The following MCCC1 variants were observed in gnomAD, a reference collection of about 807,000 sequenced individuals.
The protein encoded by MCCC1 is methylcrotonyl-CoA carboxylase subunit 1.
MCCC1 carries 64 observed loss-of-function variants against 83.8 expected under a neutral mutation model. That is an observed-to-expected ratio of 0.76 (90% confidence interval 0.62 to 0.94). The LOEUF (loss-of-function observed/expected upper bound fraction) is 0.94. Ranked by LOEUF, MCCC1 falls within the 40% of genes least tolerant of loss-of-function variation. The pLI is 0.00. For missense variants in MCCC1, 807 were observed against 904.7 expected, an observed-to-expected ratio of 0.89 and a Z score of 1.39; for synonymous variants, 322 against 315.4, an observed-to-expected ratio of 1.02 and a Z score of -0.22.
At chr3:183,031,364 G>A (rs541200423) in intron 14 of MCCC1, among the ~76,000 whole-genome samples, 3 of 152,114 alleles carry the variant, frequency 2.0e-5, no homozygotes, top group South Asian at 2.1e-4. Flanking sequence ...GCAGGGTTCT[G>A]TGAAACGTGG....
intron 13 of MCCC1, among the ~76,000 whole-genome samples, chr3:183,036,414 G>T (rs1713595190): frequency 6.6e-6 from 1 of 152,126 alleles, no homozygotes; most frequent in African/African-American, 2.4e-5. Flanking sequence ...GACAAAGGGA[G>T]TTGCTGCAGG....
chr3:183,102,504 TTAAAAGAGAAAAAC>T (rs1180377340), upstream of MCCC1, among the ~76,000 whole-genome samples: 2 of 152,122 alleles, frequency 1.3e-5, no homozygotes, highest in Admixed American at 1.3e-4. Context: ...TATTAAGAGT[TTAAAAGAGAAAAAC>T]TTATATTCAC....
At chr3:183,101,539 T>A (rs1719302773), upstream of MCCC1, among the ~76,000 whole-genome samples, 1 of 150,546 alleles carries the variant, frequency 6.6e-6, no homozygotes, top group South Asian at 2.1e-4. Flanking sequence ...CTAACTAATC[T>A]GATGGGGACG....
Position 183,015,314 on chromosome 3 carries a change from C to T in MCCC1, c.*124G>A, listed in dbSNP as rs1711531588. 1 of 962,432 alleles carries T rather than the reference C, an allele frequency of 1.0e-6. No individual in the cohort carries two copies. Among genetic ancestry groups the T allele is most frequent in the African/African-American group, 1.6e-5 (1 of 62,392 alleles). The allele number at this position is 962,432 out of a possible 1,614,324, so 59.6% of individuals were successfully genotyped here. ...ATGATTCTCCAATATGAAAGGTGTT[C>T]AGCATAAGCATACAATCATTTAGTA... On this transcript the variant is annotated 3_prime_UTR_variant, in exon 19 of 19. Transcript: ENST00000265594.
intron 16 of MCCC1, among the ~76,000 whole-genome samples, chr3:183,020,491 G>C (rs1027802078): frequency 6.6e-6 from 1 of 152,082 alleles, no homozygotes; most frequent in African/African-American, 2.4e-5. Context: ...AATCAGCCCA[G>C]TGTAGTGGTA....
At chr3:183,076,853 C>G (rs1258898870) in intron 4 of MCCC1, among the ~76,000 whole-genome samples, 1 of 152,164 alleles carries the variant, frequency 6.6e-6, no homozygotes, top group Non-Finnish European at 1.5e-5. Flanking sequence ...GTTTTTAACA[C>G]TGCAAAAAGA....
At position 183,099,485 on chromosome 3, in the gene MCCC1, G is replaced by A; in HGVS notation, c.-45C>T. On this transcript the variant is annotated 5_prime_UTR_variant, in exon 1 of 19. Transcript: ENST00000265594. ...TCCGTGACTCCCCAGTACAGAGGCA[G>A]CTGCGTCCCACACGCCAAACCCGTT... 3.2e-6 allele frequency: 5 copies of A among 1,567,054 alleles called. No homozygotes were observed. In the South Asian group the frequency reaches 5.8e-5, roughly 18 times the overall value.
At chr3:183,097,225 C>T (rs998233239) in intron 1 of MCCC1, among the ~76,000 whole-genome samples, 3 of 151,582 alleles carry the variant, frequency 2.0e-5, no homozygotes, top group Admixed American at 6.6e-5. Context: ...CCGGCCTGGG[C>T]GACAGAGCGA....
At chr3:183,057,155 C>A (rs894669377) in intron 8 of MCCC1, among the ~76,000 whole-genome samples, 156 bp downstream of exon 8, 1 of 152,202 alleles carries the variant, frequency 6.6e-6, no homozygotes, top group Non-Finnish European at 1.5e-5. Flanking sequence ...ATCCCCAATA[C>A]CACAGGAGGT....
At chr3:183,101,928 T>A (rs923084593), upstream of MCCC1, among the ~76,000 whole-genome samples, 2 of 151,814 alleles carry the variant, frequency 1.3e-5, no homozygotes, top group African/African-American at 4.8e-5. Context: ...GGTCTGCAGC[T>A]TCACTCCTGA....
At chr3:183,110,464 G>T (rs959725473) in intron 1 of MCCC1, among the ~76,000 whole-genome samples, 1 of 150,006 alleles carries the variant, frequency 6.7e-6, no homozygotes, top group Non-Finnish European at 1.5e-5. Flanking sequence ...CGCGATCTCA[G>T]CTCACTGTGA....
intron 2 of MCCC1, among the ~76,000 whole-genome samples, chr3:183,092,872 C>G (rs1013866464): frequency 4.6e-5 from 7 of 152,010 alleles, no homozygotes; most frequent in Non-Finnish European, 8.8e-5. Context: ...AATAACTACT[C>G]TTTTATGTAT....
intron 1 of MCCC1, among the ~76,000 whole-genome samples, chr3:183,107,536 T>TTA (rs1719426742): frequency 6.1e-5 from 9 of 147,160 alleles, no homozygotes; most frequent in Admixed American, 6.1e-4. Flanking sequence ...TATTATTATT[T>TTA]GTTGTTGTTG....
In MCCC1 at chr3:183,062,991, A is replaced by AT. The variant is rs1038067462; in HGVS notation, c.762-5570dup. Among the ~76,000 whole-genome samples, 33 of 148,030 alleles carry AT rather than the reference A, an allele frequency of 2.2e-4. No individual in the cohort carries two copies. The Middle Eastern group carries it at 0.011, about 48-fold the overall frequency. ...CTAACATATCCATTTTCCTATTTAC[A>AT]TTTTTTTTTTAAGACAGAGTCTTGC... On this transcript the variant is annotated intron_variant, in intron 7 of 18. Coordinates refer to ENST00000265594, the MANE Select transcript of MCCC1 (RefSeq NM_020166.5).
In MCCC1 at chr3:183,020,153, G is replaced by A. The variant is rs1244264262; in HGVS notation, c.1954C>T (p.Pro652Ser). 1 of 1,613,842 alleles carries A rather than the reference G, an allele frequency of 6.2e-7. No homozygotes were observed. Among genetic ancestry groups the A allele is most frequent in the South Asian group, 1.1e-5 (1 of 91,066 alleles). ...ACCTTTTCAATGGTTCCAGTCATAG[G>A]AGCTAAGGGGCCGCCCTGAGTTTCT... is the stretch of plus-strand genomic sequence containing the variant. Reference protein sequence around the residue: ...SQETQGGPLAPMTGTIEKVFV... With the variant: ...SQETQGGPLASMTGTIEKVFV... Residue 652 changes from proline to serine, a missense_variant, in exon 17 of 19, where the codon CCT becomes TCT. Coordinates refer to ENST00000265594, the MANE Select transcript of MCCC1 (RefSeq NM_020166.5).
chr3:183,038,082 C>T (rs911848357), intron 12 of MCCC1, among the ~76,000 whole-genome samples: 3 of 152,204 alleles, frequency 2.0e-5, no homozygotes, highest in Non-Finnish European at 4.4e-5. Context: ...AAGTGCCAGG[C>T]TCTGATCCAG....
Position 183,071,291 on chromosome 3 carries a change from T to C in MCCC1, c.558A>G (p.Gln186=), listed in dbSNP as rs1337203759. 5 of 1,614,050 alleles carry C rather than the reference T, an allele frequency of 3.1e-6. No individual in the cohort carries two copies. The highest frequency in any genetic ancestry group is 1.6e-4 in the Middle Eastern group (1 of 6,084). Residue 186 remains glutamine (Q), a synonymous_variant, in exon 6 of 19, where the codon CAA becomes CAG. Transcript: ENST00000265594. ...CGTGTTCCTTCAGGCACTGGTCTGA[T>C]TGGTCCTCACCATGATAACCCTCCA... The part of the protein sequence containing the change: ...PVVEGYHGED[Q]SDQCLKEHAR...
At chr3:183,037,456 A>ACTCAGCAGGAACTGGGG in intron 12 of MCCC1, 22 bp from the exon 13 acceptor site, 1 of 1,582,530 alleles carries the variant, frequency 6.3e-7, no homozygotes, top group Non-Finnish European at 8.7e-7. Context: ...ATAAACCCCC[A>ACTCAGCAGGAACTGGGG]GTTCCTGCTG....
chr3:183,077,194 A>G (rs1005523493), intron 4 of MCCC1, among the ~76,000 whole-genome samples: 1 of 152,210 alleles, frequency 6.6e-6, no homozygotes, highest in African/African-American at 2.4e-5. Flanking sequence ...TAATGCTGCT[A>G]TGAACATTCA....
Sources: allele counts gnomAD v4.1 joint callset (sites outside exome capture counted in the v4.1 genomes callset), GRCh38; gene constraint gnomAD v4.1.1; transcripts MANE v1.5; gene names NCBI Gene and HGNC (gene_info 2026-07-23, HGNC 2026-07-21).